TLE1: variants seen among roughly 807,000 people sequenced by gnomAD.
TLE1 encodes the protein transducin-like enhancer protein 1.
A neutral mutation model predicts 89.8 loss-of-function variants in TLE1; 21 were observed. The ratio of observed to expected loss-of-function variants is 0.23; its 90% confidence interval spans 0.17 to 0.34. TLE1 has a LOEUF of 0.34. TLE1 is among the 10% of genes least tolerant of loss of function. TLE1 has a pLI of 1.00. For missense variants in TLE1, 795 were observed against 1,031.2 expected, an observed-to-expected ratio of 0.77 and a Z score of 3.14; for synonymous variants, 447 against 407.6, an observed-to-expected ratio of 1.10 and a Z score of -1.16.
intron 14 of TLE1, 134 bp from the exon 15 acceptor site, chr9:81,593,408 C>G: frequency 8.0e-7 from 1 of 1,251,186 alleles, no homozygotes; most frequent in Non-Finnish European, 1.1e-6. Flanking sequence ...CCTTTGAAAT[C>G]AATACAAATT....
At chr9:81,634,673 G>A (rs1044142803) in intron 6 of TLE1, among the ~76,000 whole-genome samples, 5 of 151,996 alleles carry the variant, frequency 3.3e-5, no homozygotes, top group Admixed American at 2.0e-4. Flanking sequence ...GTCTTTATGC[G>A]CCTCCAGGGA....
At chr9:81,612,777 G>C (rs186317922) in intron 12 of TLE1, among the ~76,000 whole-genome samples, 19 of 152,326 alleles carry the variant, frequency 1.2e-4, no homozygotes, top group Admixed American at 1.2e-3. Context: ...CTAAAAGAAG[G>C]CTGGGCAAGG....
chr9:81,588,722 T>C lies in TLE1; in HGVS notation c.1830-894A>G, dbSNP rs150699050. Among the ~76,000 whole-genome samples, 519 of 152,110 alleles carry C rather than the reference T, an allele frequency of 3.4e-3. 1 individual carries two copies. Among genetic ancestry groups the C allele is most frequent in the African/African-American group, 0.012 (498 of 41,506 alleles). On this transcript the variant is annotated intron_variant, in intron 16 of 19. Coordinates refer to ENST00000376499, the MANE Select transcript of TLE1 (RefSeq NM_005077.5). Reference sequence around the variant, plus strand: ...GACTGGTGGACTCAGTTCTGCATGCTGAGAGGAAGGTGGTGGGGGAGGCAG... The same window carrying C: ...GACTGGTGGACTCAGTTCTGCATGCCGAGAGGAAGGTGGTGGGGGAGGCAG...
chr9:81,638,200 TC>T (rs1022162576), intron 6 of TLE1, among the ~76,000 whole-genome samples: 1 of 151,974 alleles, frequency 6.6e-6, no homozygotes, highest in African/African-American at 2.4e-5. Context: ...CCATCTCCTG[TC>T]CCCCCTTCTC....
chr9:81,641,641 A>G (rs571697696), intron 6 of TLE1, among the ~76,000 whole-genome samples: 31 of 152,368 alleles, frequency 2.0e-4, no homozygotes, highest in Non-Finnish European at 3.4e-4. Context: ...GACATTTCTC[A>G]AAGAAGACAC....
At chr9:81,633,465 C>T in intron 7 of TLE1, 101 bp from the exon 8 acceptor site, 1 of 1,570,232 alleles carries the variant, frequency 6.4e-7, no homozygotes, top group Non-Finnish European at 8.7e-7. Context: ...ACACAAGCCC[C>T]AAACAGTTTT....
At chr9:81,588,048 A>C (rs374490010) in intron 16 of TLE1, among the ~76,000 whole-genome samples, 7 of 152,198 alleles carry the variant, frequency 4.6e-5, no homozygotes, top group African/African-American at 1.7e-4. Flanking sequence ...CCACGATCCA[A>C]GTGCTAAAGA....
At chr9:81,603,829 C>T (rs1284515083) in intron 14 of TLE1, among the ~76,000 whole-genome samples, 1 of 152,128 alleles carries the variant, frequency 6.6e-6, no homozygotes, top group East Asian at 1.9e-4. Context: ...TGGTGAAACC[C>T]TGTCTCTACT....
chr9:81,633,263 TGGA>T (rs1348677737), intron 8 of TLE1, 82 bp downstream of exon 8: 20 of 1,596,036 alleles, frequency 1.3e-5, no homozygotes, highest in Non-Finnish European at 1.6e-5. Context: ...TGTGCCTGTG[TGGA>T]GAAGTGTTGT....
intron 6 of TLE1, among the ~76,000 whole-genome samples, chr9:81,637,662 T>TC (rs1827572927): frequency 6.8e-6 from 1 of 146,646 alleles, no homozygotes; most frequent in Admixed American, 6.8e-5. Context: ...TTTTTTTTTT[T>TC]AAGCAAAATC....
chr9:81,600,628 CA>C (rs35107385), intron 14 of TLE1, among the ~76,000 whole-genome samples: 102,579 of 135,726 alleles, frequency 0.76, 37,961 homozygotes, highest in African/African-American at 0.8. Context: ...TTTAATAGAC[CA>C]AAAAAAAAAA....
intron 6 of TLE1, among the ~76,000 whole-genome samples, chr9:81,637,857 A>C (rs1452772054): frequency 1.3e-5 from 2 of 151,992 alleles, no homozygotes; most frequent in African/African-American, 2.4e-5. Context: ...TGAGTCAGGG[A>C]GGGTAGGTAT....
chr9:81,589,766 G>GA, intron 16 of TLE1, among the ~76,000 whole-genome samples: 1 of 152,236 alleles, frequency 6.6e-6, no homozygotes, highest in East Asian at 1.9e-4. Context: ...TTTAAAAAAA[G>GA]AAAAAAACAA....
intron 18 of TLE1, among the ~76,000 whole-genome samples, chr9:81,585,130 G>A (rs1237366965): frequency 2.6e-5 from 4 of 151,956 alleles, no homozygotes; most frequent in African/African-American, 7.3e-5. Context: ...CCTAAATATC[G>A]ACTTCTCTAA....
chr9:81,658,316 G>GT (rs1444535112), intron 4 of TLE1, among the ~76,000 whole-genome samples: 1 of 152,168 alleles, frequency 6.6e-6, no homozygotes, highest in Non-Finnish European at 1.5e-5. Flanking sequence ...TACTATGTAA[G>GT]TTGGGTTAGA....
At chr9:81,666,860 A>T (rs1432692652) in intron 4 of TLE1, among the ~76,000 whole-genome samples, 3 of 152,148 alleles carry the variant, frequency 2.0e-5, no homozygotes. Flanking sequence ...GCACTGGCTC[A>T]CATCTATCAG....
intron 4 of TLE1, among the ~76,000 whole-genome samples, chr9:81,680,235 A>G (rs1395081886): frequency 6.6e-6 from 1 of 152,096 alleles, no homozygotes; most frequent in Non-Finnish European, 1.5e-5. Flanking sequence ...GGAAATCCCC[A>G]ATTAAATGAC....
intron 14 of TLE1, among the ~76,000 whole-genome samples, chr9:81,593,724 T>G (rs1408334956): frequency 6.6e-6 from 1 of 152,176 alleles, no homozygotes; most frequent in African/African-American, 2.4e-5. Context: ...AGTAGATATA[T>G]TTCAACAGCA....
intron 14 of TLE1, among the ~76,000 whole-genome samples, chr9:81,596,206 A>G (rs1169406642): frequency 1.3e-5 from 2 of 152,208 alleles, no homozygotes; most frequent in African/African-American, 2.4e-5. Context: ...ACTGCACAGG[A>G]GGCCTGCGAT....
Sources: gnomAD v4.1 joint callset for allele counts (sites outside exome capture counted in the v4.1 genomes callset) on GRCh38, gnomAD v4.1.1 for gene constraint, MANE v1.5 for transcripts, NCBI Gene and HGNC (gene_info 2026-07-23, HGNC 2026-07-21) for gene names.